GPX1: variants seen among roughly 807,000 people sequenced by gnomAD.
GPX1 encodes the protein GSHPx-1.
A neutral mutation model predicts 11.5 loss-of-function variants in GPX1; 8 were observed. The ratio of observed to expected loss-of-function variants is 0.70; its 90% CI spans 0.41 to 1.25. GPX1 has a LOEUF of 1.25. GPX1 is among the 50% of genes most tolerant of loss of function. The pLI is 0.01. For synonymous variants in GPX1, 142 were observed against 127.8 expected, an observed-to-expected ratio of 1.11 and a Z score of -0.75; for missense variants, 266 against 284.3, an observed-to-expected ratio of 0.94 and a Z score of 0.46.
chr3:49,357,547 G>T lies in GPX1; in HGVS notation c.453C>A (p.Thr151=). 1.9e-6 allele frequency: 3 copies of T among 1,613,530 alleles called. No individual in the cohort carries two copies. Among genetic ancestry groups the T allele is most frequent in the Non-Finnish European group, 1.7e-6 (2 of 1,179,874 alleles). ...TALMTDPKLI[T]WSPVCRNDVA... ...CATCGTTGCGACACACCGGAGACCA[G>T]GTGATGAGCTTGGGGTCGGTCATAA... Residue 151 remains threonine (T), a synonymous_variant, in exon 2 of 2, where the codon ACC becomes ACA. Coordinates refer to ENST00000419783, the MANE Select transcript of GPX1 (RefSeq NM_000581.4).
Position 49,358,292 on chromosome 3 carries a change from A to G in GPX1, c.-14T>C, listed in dbSNP as rs997208420. On this transcript the variant is annotated 5_prime_UTR_variant, in exon 1 of 2. Transcript: ENST00000419783. ...AGCAGCACACATGGCGCAATTGTCC[A>G]AGAAGCCAGCGGAGCGCCCCGAACA... The G allele has an allele frequency of 1.4e-5, 22 of 1,531,810 alleles. No homozygotes were observed. The East Asian group carries it at 4.9e-4, about 34-fold the overall frequency. The allele number at this position is 1,531,810 out of a possible 1,614,324, so 94.9% of individuals were successfully genotyped here. A position where few individuals can be genotyped will look rare whatever the true frequency, so the allele number is the denominator to read the frequency against.
At chr3:49,357,899 C>A in intron 1 of GPX1, 128 bp downstream of exon 1, 1 of 1,508,422 alleles carries the variant, frequency 6.6e-7, no homozygotes, top group Non-Finnish European at 8.8e-7. Flanking sequence ...CTACGAGCAA[C>A]AGAAAGGAAA....
Position 49,357,285 on chromosome 3 carries a change from G to C in GPX1, c.*103C>G, listed in dbSNP as rs1044766029. 7 of 1,129,038 alleles carry C rather than the reference G, an allele frequency of 6.2e-6. No homozygotes were observed. The highest frequency in any genetic ancestry group is 8.9e-6 in the Non-Finnish European group (7 of 782,128). 69.9% of individuals were successfully genotyped at this position (1,129,038 alleles called of 1,614,324 possible). ...CGAGGTGGTATTTTCTGTAAGATCA[G>C]GTGTTCCTCCCTCGTAGGTTTAGAG... On this transcript the variant is annotated 3_prime_UTR_variant, in exon 2 of 2. Coordinates refer to ENST00000419783, the MANE Select transcript of GPX1 (RefSeq NM_000581.4).
rs770123924 is a variant in GPX1 at position 49,358,013 on chromosome 3, T to TCCGCC, written c.252+9_252+13dup. On this transcript the variant is annotated intron_variant, in intron 1 of 1. Transcript: ENST00000419783. ...CACGTCCGCCCCCGCCCCGCCCCGC[T>TCCGCC]CCGCCCGGCGCACCTGATGCCCAAA... The TCCGCC allele has an allele frequency of 2.2e-5, 36 of 1,602,068 alleles. No individual in the cohort carries two copies. Among genetic ancestry groups the TCCGCC allele is most frequent in the Admixed American group, 1.0e-4 (6 of 58,988 alleles).
At chr3:49,357,861 T>G (rs998076926) in intron 1 of GPX1, 114 bp from the exon 2 acceptor site, 1 of 1,522,508 alleles carries the variant, frequency 6.6e-7, no homozygotes, top group Non-Finnish European at 8.8e-7. Context: ...CCATGCGCAA[T>G]CCCAAGGGCG....
rs2107818742 is a variant in GPX1, at chr3:49,357,458, C to T, written c.542G>A (p.Arg181His). The change falls in exon 2 of 2, where the codon CGC becomes CAC. Residue 181 changes from arginine to histidine, a missense_variant. Physicochemically the swap from Arg to His is conservative, Grantham distance 29 (BLOSUM62 0). Transcript: ENST00000419783. Reference protein sequence around the residue: ...PDGVPLRRYSRRFQTIDIEPD... With the variant: ...PDGVPLRRYSHRFQTIDIEPD... ...CTCGATGTCAATGGTCTGGAAGCGGCGGCTGTACCTGCGTAGGGGCACACC... is the reference window on the plus strand; with the variant it reads ...CTCGATGTCAATGGTCTGGAAGCGGTGGCTGTACCTGCGTAGGGGCACACC... 6.2e-7 allele frequency: 1 copy of T among 1,613,114 alleles called. No individual in the cohort carries two copies. Among genetic ancestry groups the T allele is most frequent in the Non-Finnish European group, 8.5e-7 (1 of 1,179,766 alleles).
Position 49,358,024 on chromosome 3 carries a change from C to T in GPX1, c.252+3G>A. Reference sequence around the variant, plus strand: ...CCGCCCCGCCCCGCTCCGCCCGGCGCACCTGATGCCCAAACTGGTTGCACG... The same window carrying T: ...CCGCCCCGCCCCGCTCCGCCCGGCGTACCTGATGCCCAAACTGGTTGCACG... On this transcript the variant is annotated splice_donor_region_variant and intron_variant, in intron 1 of 1. Transcript: ENST00000419783. The T allele has an allele frequency of 6.2e-7, 1 of 1,608,546 alleles. No homozygotes were observed. The highest frequency in any genetic ancestry group is 8.5e-7 in the Non-Finnish European group (1 of 1,177,976).
rs769147194 is a variant in GPX1 at position 49,358,025 on chromosome 3, A to G, written c.252+2T>C. The G allele has an allele frequency of 1.1e-5, 17 of 1,606,502 alleles. No homozygotes were observed. Among genetic ancestry groups the G allele is most frequent in the Non-Finnish European group, 8.5e-6 (10 of 1,177,460 alleles). On this transcript the variant is annotated splice_donor_variant, in intron 1 of 1. Transcript: ENST00000419783. LOFTEE classifies it high-confidence loss of function. ...CGCCCCGCCCCGCTCCGCCCGGCGC[A>G]CCTGATGCCCAAACTGGTTGCACGG...
intron 1 of GPX1, 27 bp from the exon 2 acceptor site, chr3:49,357,774 C>G (rs1486494871): frequency 6.3e-7 from 1 of 1,585,532 alleles, no homozygotes; most frequent in East Asian, 2.3e-5. Flanking sequence ...CAGCTAGAAC[C>G]CGGGGTCAAG....
Position 49,357,655 on chromosome 3 carries a change from G to C in GPX1, c.345C>G (p.Cys115Trp), listed in dbSNP as rs202221943. Residue 115 changes from cysteine to tryptophan, a missense_variant, in exon 2 of 2, where the codon TGC (cysteine) becomes TGG (tryptophan). Coordinates refer to ENST00000419783, the MANE Select transcript of GPX1 (RefSeq NM_000581.4). ...FEPNFMLFEKCEVNGAGAHPL... is the reference protein window; with the variant it reads ...FEPNFMLFEKWEVNGAGAHPL... ...GGTGCGCCCCCGCACCGTTCACCTC[G>C]CACTTCTCGAAGAGCATGAAGTTGG... is the stretch of plus-strand genomic sequence containing the variant. The C allele has an allele frequency of 5.6e-6, 9 of 1,613,438 alleles. No homozygotes were observed. The highest frequency in any genetic ancestry group is 1.1e-5 in the South Asian group (1 of 91,066).
chr3:49,358,312 C>T lies in GPX1; in HGVS notation c.-34G>A, dbSNP rs1417453469. On this transcript the variant is annotated 5_prime_UTR_variant, in exon 1 of 2. Coordinates refer to ENST00000419783, the MANE Select transcript of GPX1 (RefSeq NM_000581.4). ...TGTCCAAGAAGCCAGCGGAGCGCCCCGAACAAGCACTGTAAGGGGAGGCCA... is the reference window on the plus strand; with the variant it reads ...TGTCCAAGAAGCCAGCGGAGCGCCCTGAACAAGCACTGTAAGGGGAGGCCA... The T allele has an allele frequency of 2.0e-6, 3 of 1,523,454 alleles. No individual in the cohort carries two copies. The highest frequency in any genetic ancestry group is 2.6e-6 in the Non-Finnish European group (3 of 1,132,554). The allele number at this position is 1,523,454 out of a possible 1,614,324, so 94.4% of individuals were successfully genotyped here.
rs769577308 is a variant in GPX1 at position 49,358,316 on chromosome 3, C to A, written c.-38G>T. On this transcript the variant is annotated 5_prime_UTR_variant, in exon 1 of 2. Transcript: ENST00000419783. ...CAAGAAGCCAGCGGAGCGCCCCGAA[C>A]AAGCACTGTAAGGGGAGGCCAGCAG... 1 of 1,521,184 alleles carries A rather than the reference C, an allele frequency of 6.6e-7. No individual in the cohort carries two copies. The highest frequency in any genetic ancestry group is 2.1e-5 in the Admixed American group (1 of 48,396). 94.2% of individuals were successfully genotyped at this position (1,521,184 alleles called of 1,614,324 possible).
chr3:49,358,153 G>A lies in GPX1; in HGVS notation c.126C>T (p.Ile42=), dbSNP rs756755361. 3 of 1,593,064 alleles carry A rather than the reference G, an allele frequency of 1.9e-6. No individual in the cohort carries two copies. Among genetic ancestry groups the A allele is most frequent in the Non-Finnish European group, 2.6e-6 (3 of 1,169,688 alleles). The change falls in exon 1 of 2, where the codon ATC becomes ATT. Residue 42 remains isoleucine (I), a synonymous_variant. Coordinates refer to ENST00000419783, the MANE Select transcript of GPX1 (RefSeq NM_000581.4). ...LGSLRGKVLL[I]ENVASLUGTT... is the part of the protein sequence containing the mutation. ...TGCCTCAGAGGGACGCCACATTCTCGATAAGTAGTACCTTGCCCCGCAGGG... is the reference window on the plus strand; with the variant it reads ...TGCCTCAGAGGGACGCCACATTCTCAATAAGTAGTACCTTGCCCCGCAGGG...
chr3:49,357,799 G>T (rs748844849), intron 1 of GPX1, 52 bp from the exon 2 acceptor site: 1 of 1,556,950 alleles, frequency 6.4e-7, no homozygotes, highest in East Asian at 2.3e-5. Flanking sequence ...GGAGAGAAAC[G>T]TTCTAACCAC....
intron 1 of GPX1, 71 bp downstream of exon 1, chr3:49,357,956 C>T: frequency 1.3e-6 from 2 of 1,532,306 alleles, no homozygotes; most frequent in Non-Finnish European, 1.8e-6. Context: ...CGGCACCCAC[C>T]AGCACACCGC....
Position 49,357,324 on chromosome 3 carries a change from A to C in GPX1, c.*64T>G, listed in dbSNP as rs2047855749. On this transcript the variant is annotated 3_prime_UTR_variant, in exon 2 of 2. Coordinates refer to ENST00000419783, the MANE Select transcript of GPX1 (RefSeq NM_000581.4). Reference sequence around the variant, plus strand: ...GTAGGTTTAGAGGAAACACCCTCATAGATGAAAACCCCCCCGAGACAGCAG... The same window carrying C: ...GTAGGTTTAGAGGAAACACCCTCATCGATGAAAACCCCCCCGAGACAGCAG... 2 of 1,489,330 alleles carry C rather than the reference A, an allele frequency of 1.3e-6. No individual in the cohort carries two copies. The highest frequency in any genetic ancestry group is 1.8e-6 in the Non-Finnish European group (2 of 1,089,178). 92.3% of individuals were successfully genotyped at this position (1,489,330 alleles called of 1,614,324 possible).
intron 1 of GPX1, 53 bp downstream of exon 1, chr3:49,357,974 C>G (rs201464748): frequency 8.1e-6 from 12 of 1,488,592 alleles, no homozygotes; most frequent in Admixed American, 2.0e-5. Context: ...CGCCGGCGCC[C>G]CCAGCCACTA....
rs752321532 is a variant in GPX1 at position 49,357,408 on chromosome 3, G to A, written c.592C>T (p.Gln198Ter). The A allele has an allele frequency of 2.5e-6, 4 of 1,610,428 alleles. No individual in the cohort carries two copies. In the African/African-American group the frequency reaches 5.3e-5, roughly 22 times the overall value. Reference protein sequence around the residue: ...IEPDIEALLSQGPSCA With the variant: ...IEPDIEALLS ...GCGCCCTAGGCACAGCTGGGCCCTT[G>A]AGACAGCAGGGCTTCGATGTCAGGC... Residue 198 changes from glutamine (Q) to a stop codon, truncating the protein, a stop_gained, in exon 2 of 2, where the codon CAA becomes TAA. Coordinates refer to ENST00000419783, the MANE Select transcript of GPX1 (RefSeq NM_000581.4). LOFTEE classifies it high-confidence loss of function.
At chr3:49,357,876 G>A in intron 1 of GPX1, 129 bp from the exon 2 acceptor site, 6 of 1,518,422 alleles carry the variant, frequency 4.0e-6, no homozygotes, top group South Asian at 3.8e-5. Context: ...AGGGCGGAGA[G>A]GAATTTCAGC....
Sources: allele counts gnomAD v4.1 joint callset, GRCh38; gene constraint gnomAD v4.1.1; transcripts MANE v1.5; gene names NCBI Gene and HGNC (gene_info 2026-07-23, HGNC 2026-07-21).